The following PLCH1 variants were observed in gnomAD, a reference collection of about 807,000 sequenced individuals.
PLCH1 encodes the protein phospholipase C eta 1.
PLCH1 carries 60 observed loss-of-function variants against 126.7 expected under a neutral mutation model. The ratio of observed to expected loss-of-function variants is 0.47; its 90% confidence interval spans 0.38 to 0.59. The LOEUF (loss-of-function observed/expected upper bound fraction) is 0.59. Among genes scored for constraint, PLCH1 ranks in the 20% least tolerant of loss-of-function variants. PLCH1 has a pLI of 0.00. For missense variants in PLCH1, 1,723 were observed against 2,040.0 expected, an observed-to-expected ratio of 0.84 and a Z score of 2.99; for synonymous variants, 719 against 734.9, an observed-to-expected ratio of 0.98 and a Z score of 0.35.
At chr3:155,476,708 C>A (rs2107988757), downstream of PLCH1, among the ~76,000 whole-genome samples, 1 of 151,670 alleles carries the variant, frequency 6.6e-6, no homozygotes, top group Middle Eastern at 3.4e-3. Context: ...ATATTAAGCT[C>A]TCTATAATGA....
At chr3:155,627,492 G>T (rs7649660) in intron 2 of PLCH1, among the ~76,000 whole-genome samples, 3 of 151,596 alleles carry the variant, frequency 2.0e-5, no homozygotes, top group African/African-American at 7.3e-5. Flanking sequence ...AAATTAGCCC[G>T]GCGTGGTGGC....
chr3:155,506,165 C>A (rs1718651474), intron 12 of PLCH1, among the ~76,000 whole-genome samples: 1 of 151,966 alleles, frequency 6.6e-6, no homozygotes, highest in Non-Finnish European at 1.5e-5. Context: ...ATAACCAACC[C>A]TGGGAATAAG....
chr3:155,528,007 T>C (rs1328827069), intron 10 of PLCH1, among the ~76,000 whole-genome samples: 1 of 151,528 alleles, frequency 6.6e-6, no homozygotes, highest in African/African-American at 2.4e-5. Flanking sequence ...ACAGATCACC[T>C]GACATCAGGA....
chr3:155,585,956 G>C, intron 5 of PLCH1, 109 bp downstream of exon 5: 1 of 845,990 alleles, frequency 1.2e-6, no homozygotes, highest in Middle Eastern at 3.0e-4. Flanking sequence ...AAACAGTACA[G>C]AGCACATATA....
intron 4 of PLCH1, among the ~76,000 whole-genome samples, chr3:155,591,185 A>G (rs1443521269): frequency 6.6e-6 from 1 of 152,188 alleles, no homozygotes; most frequent in Non-Finnish European, 1.5e-5. Context: ...AACTTGTCCT[A>G]GTTAACTGGA....
At chr3:155,501,279 T>C (rs1458236100) in intron 13 of PLCH1, among the ~76,000 whole-genome samples, 1 of 152,174 alleles carries the variant, frequency 6.6e-6, no homozygotes, top group African/African-American at 2.4e-5. Flanking sequence ...CAAATGATCA[T>C]CTAAATCAAA....
At chr3:155,635,988 C>T (rs1225202834) in intron 2 of PLCH1, among the ~76,000 whole-genome samples, 1 of 152,194 alleles carries the variant, frequency 6.6e-6, no homozygotes, top group African/African-American at 2.4e-5. Flanking sequence ...CATGTTTCTA[C>T]TCTAATCATC....
chr3:155,680,109 G>A (rs918611241), intron 2 of PLCH1, among the ~76,000 whole-genome samples: 21 of 152,316 alleles, frequency 1.4e-4, no homozygotes, highest in African/African-American at 5.1e-4. Context: ...AGTCGGCTGG[G>A]CGCGGTGGCT....
At chr3:155,451,272 A>T (rs1479131736) in intron 21 of PLCH1, among the ~76,000 whole-genome samples, 2 of 148,762 alleles carry the variant, frequency 1.3e-5, no homozygotes, top group Non-Finnish European at 3.0e-5. Context: ...GGTGTGATGA[A>T]AAACAGGATA....
At chr3:155,744,556 C>G (rs1193062660) in intron 1 of PLCH1, among the ~76,000 whole-genome samples, 1 of 152,206 alleles carries the variant, frequency 6.6e-6, no homozygotes, top group Admixed American at 6.5e-5. Context: ...CCACCACCAC[C>G]GCAAGGGACC....
intron 21 of PLCH1, among the ~76,000 whole-genome samples, chr3:155,459,170 T>C (rs1712618405): frequency 1.3e-5 from 2 of 152,214 alleles, no homozygotes; most frequent in Admixed American, 1.3e-4. Context: ...ATGATAATTA[T>C]AGGACTTTGG....
chr3:155,520,057 C>G (rs114673826), intron 11 of PLCH1, among the ~76,000 whole-genome samples: 5 of 152,256 alleles, frequency 3.3e-5, no homozygotes, highest in African/African-American at 1.2e-4. Context: ...GTTCAAGGAC[C>G]AGTCATATCC....
intron 2 of PLCH1, among the ~76,000 whole-genome samples, chr3:155,627,832 A>G (rs1737525770): frequency 1.3e-5 from 2 of 151,082 alleles, no homozygotes; most frequent in Admixed American, 6.6e-5. Context: ...CAGTGGCACA[A>G]TCTTGGCTCA....
intron 2 of PLCH1, among the ~76,000 whole-genome samples, chr3:155,666,784 T>C (rs1161057548): frequency 6.6e-6 from 1 of 152,140 alleles, no homozygotes; most frequent in Non-Finnish European, 1.5e-5. Flanking sequence ...GGTTATATAC[T>C]AGCTAGGGCA....
At chr3:155,625,023 T>C (rs908044826) in intron 2 of PLCH1, among the ~76,000 whole-genome samples, 1 of 152,118 alleles carries the variant, frequency 6.6e-6, no homozygotes, top group Non-Finnish European at 1.5e-5. Flanking sequence ...CAAAACAACA[T>C]GGTACTGGTA....
intron 7 of PLCH1, among the ~76,000 whole-genome samples, 162 bp downstream of exon 7, chr3:155,568,069 T>C (rs535686): frequency 0.031 from 4,666 of 152,330 alleles, 96 homozygotes; most frequent in Non-Finnish European, 0.046. Flanking sequence ...TCATGGTCTT[T>C]GCTTTGCAGG....
At chr3:155,678,645 T>C (rs1213706692) in intron 2 of PLCH1, among the ~76,000 whole-genome samples, 1 of 152,178 alleles carries the variant, frequency 6.6e-6, no homozygotes, top group Non-Finnish European at 1.5e-5. Context: ...TCATGTACGA[T>C]GTCAAAACTA....
chr3:155,676,609 G>A (rs1744111826), intron 2 of PLCH1, among the ~76,000 whole-genome samples: 1 of 152,084 alleles, frequency 6.6e-6, no homozygotes, highest in South Asian at 2.1e-4. Context: ...CTCCATCGGA[G>A]GCAAACACAA....
chr3:155,680,291 G>A (rs1189726577), intron 2 of PLCH1, among the ~76,000 whole-genome samples: 2 of 151,998 alleles, frequency 1.3e-5, no homozygotes, highest in Non-Finnish European at 2.9e-5. Flanking sequence ...GCTGAGGCAG[G>A]AGAATTGCTT....
Sources: allele counts gnomAD v4.1 joint callset (sites outside exome capture counted in the v4.1 genomes callset), GRCh38; gene constraint gnomAD v4.1.1; transcripts MANE v1.5; gene names NCBI Gene and HGNC (gene_info 2026-07-23, HGNC 2026-07-21).